The following SLC71A2 variants were observed in gnomAD, a reference collection of about 807,000 sequenced individuals.
The protein encoded by SLC71A2 is hippocampus abundant transcript-like 1.
chr9:94,457,985 A>C, the SLC71A2 span, among the ~76,000 whole-genome samples: 3 of 152,208 alleles, frequency 2.0e-5, no homozygotes, highest in South Asian at 4.1e-4. Flanking sequence ...GGGCTGCCAG[A>C]GGTGAAGGGC....
the SLC71A2 span, among the ~76,000 whole-genome samples, chr9:94,450,507 T>TTTTTTTTTTTTTTTTTTTTTTTTC: frequency 4.2e-4 from 58 of 137,286 alleles, 2 homozygotes; most frequent in East Asian, 8.0e-4. Flanking sequence ...TTTTTTTTTT[T>TTTTTTTTTTTTTTTTTTTTTTTTC]GAGATGGAGT....
At chr9:94,420,680 C>G in the SLC71A2 span, among the ~76,000 whole-genome samples, 1 of 150,782 alleles carries the variant, frequency 6.6e-6, no homozygotes, top group African/African-American at 2.4e-5. Context: ...GTGGGCAGAT[C>G]ACGAGGTCAG....
the SLC71A2 span, among the ~76,000 whole-genome samples, chr9:94,420,744 T>C: frequency 1.3e-5 from 2 of 151,390 alleles, no homozygotes; most frequent in African/African-American, 4.9e-5. Flanking sequence ...ACTAAAGATA[T>C]AAAAAGTAGC....
chr9:94,419,547 C>T, the SLC71A2 span, among the ~76,000 whole-genome samples: 4 of 152,166 alleles, frequency 2.6e-5, no homozygotes, highest in Admixed American at 6.5e-5. Flanking sequence ...CCTCGTGATC[C>T]GCCCACCTCG....
chr9:94,425,710 C>A, the SLC71A2 span, among the ~76,000 whole-genome samples: 2 of 151,846 alleles, frequency 1.3e-5, no homozygotes, highest in African/African-American at 4.9e-5. Flanking sequence ...ACCATAATTT[C>A]TAATCTTGTG....
chr9:94,455,378 A>ATTTTTTTTT, the SLC71A2 span, among the ~76,000 whole-genome samples: 24 of 85,778 alleles, frequency 2.8e-4, no homozygotes, highest in East Asian at 1.3e-3. Flanking sequence ...TAATATTCTG[A>ATTTTTTTTT]TTTTTTTTTT....
chr9:94,421,607 A>G, the SLC71A2 span, among the ~76,000 whole-genome samples: 1 of 152,156 alleles, frequency 6.6e-6, no homozygotes, highest in African/African-American at 2.4e-5. Flanking sequence ...AGCAGGCCCA[A>G]GTTGCTCAAG....
the SLC71A2 span, chr9:94,440,868 C>A: frequency 1.8e-6 from 1 of 555,990 alleles, no homozygotes. Context: ...AGTATACATA[C>A]ATATACAAGT....
At chr9:94,383,275 G>A in the SLC71A2 span, among the ~76,000 whole-genome samples, 5 of 146,164 alleles carry the variant, frequency 3.4e-5, no homozygotes, top group African/African-American at 5.1e-5. Flanking sequence ...CGATTCTCCT[G>A]CCTCAGCCTC....
At chr9:94,425,559 G>A in the SLC71A2 span, among the ~76,000 whole-genome samples, 2 of 152,294 alleles carry the variant, frequency 1.3e-5, no homozygotes, top group Admixed American at 6.5e-5. Flanking sequence ...GGGGCCACAA[G>A]ATCAGATGAG....
At chr9:94,384,949 C>A in the SLC71A2 span, among the ~76,000 whole-genome samples, 4 of 151,638 alleles carry the variant, frequency 2.6e-5, no homozygotes, top group African/African-American at 9.7e-5. Context: ...AGTTTGGCTC[C>A]CCTTTGTCTC....
the SLC71A2 span, among the ~76,000 whole-genome samples, chr9:94,442,957 A>G: frequency 2.6e-5 from 4 of 152,268 alleles, no homozygotes; most frequent in Non-Finnish European, 1.5e-5. Flanking sequence ...AGTTGTGCCC[A>G]TAAGGCTTGG....
chr9:94,393,918 T>C, the SLC71A2 span, among the ~76,000 whole-genome samples: 2 of 75,092 alleles, frequency 2.7e-5, 1 homozygote. Flanking sequence ...TGTATCACCA[T>C]TGTCCCCAAC....
At chr9:94,460,221 T>C in the SLC71A2 span, 1 of 152,534 alleles carries the variant, frequency 6.6e-6, no homozygotes, top group Admixed American at 6.5e-5. Context: ...AAGAAAGTTA[T>C]TAACAATTTG....
the SLC71A2 span, among the ~76,000 whole-genome samples, chr9:94,443,405 G>T: frequency 6.6e-6 from 1 of 152,074 alleles, no homozygotes; most frequent in African/African-American, 2.4e-5. Context: ...GTTCTAAGGA[G>T]CATTTTGAGA....
At chr9:94,430,347 T>C in the SLC71A2 span, among the ~76,000 whole-genome samples, 1 of 151,994 alleles carries the variant, frequency 6.6e-6, no homozygotes. Context: ...CTTAGTCTTC[T>C]GAGTAGCTGG....
the SLC71A2 span, among the ~76,000 whole-genome samples, chr9:94,382,124 G>A: frequency 1.3e-5 from 2 of 151,832 alleles, no homozygotes; most frequent in Admixed American, 6.6e-5. Flanking sequence ...CCTCCTGGGC[G>A]CAGGTAATTC....
the SLC71A2 span, among the ~76,000 whole-genome samples, chr9:94,413,930 T>A: frequency 6.6e-6 from 1 of 152,184 alleles, no homozygotes; most frequent in African/African-American, 2.4e-5. Flanking sequence ...GAGAGTTTCT[T>A]ATCCTCTCAT....
chr9:94,439,726 G>A, the SLC71A2 span, among the ~76,000 whole-genome samples: 2 of 151,472 alleles, frequency 1.3e-5, no homozygotes, highest in African/African-American at 4.8e-5. Context: ...CAATGAGTTG[G>A]GACTTTTTAA....
Sources: allele counts gnomAD v4.1 joint callset (sites outside exome capture counted in the v4.1 genomes callset), GRCh38; gene constraint gnomAD v4.1.1; transcripts MANE v1.5; gene names NCBI Gene and HGNC (gene_info 2026-07-23, HGNC 2026-07-21).